TPM2: variants seen among roughly 807,000 people sequenced by gnomAD.
TPM2 encodes the protein tropomyosin 2, also known as tropomyosin beta chain.
Under a neutral mutation model 41.0 loss-of-function variants are expected in TPM2, and 26 were observed. That is an observed-to-expected ratio of 0.63 (90% CI 0.46 to 0.88). The LOEUF is 0.88. Ranked by LOEUF, TPM2 falls within the 40% of genes least tolerant of loss-of-function variation. TPM2 has a pLI of 0.00. For synonymous variants in TPM2, 143 were observed against 139.3 expected, an observed-to-expected ratio of 1.03 and a Z score of -0.19; for missense variants, 187 against 355.2, an observed-to-expected ratio of 0.53 and a Z score of 3.81.
At chr9:35,688,902 G>A (rs952461537) in intron 2 of TPM2, among the ~76,000 whole-genome samples, 1 of 152,168 alleles carries the variant, frequency 6.6e-6, no homozygotes, top group Non-Finnish European at 1.5e-5. Context: ...CATTCTAAAA[G>A]CTGGAACCAA....
chr9:35,689,311 G>T (rs1825117551), intron 1 of TPM2, 40 bp from the exon 2 acceptor site: 1 of 1,612,730 alleles, frequency 6.2e-7, no homozygotes, highest in African/African-American at 1.3e-5. Flanking sequence ...CTGGGAGGGG[G>T]CCCAGGCCCA....
rs76414035 is a variant in TPM2, at chr9:35,684,292, G to C, written c.726C>G (p.Ala242=). The part of the protein sequence containing the change: ...LKEAETRAEF[A]ERSVAKLEKT... ...TCTCCAACTTTGCCACAGACCTCTCGGCAAACTCTGCTCGGGTCTCAGCCT... is the reference window on the plus strand; with the variant it reads ...TCTCCAACTTTGCCACAGACCTCTCCGCAAACTCTGCTCGGGTCTCAGCCT... The change falls in exon 8 of 9, where the codon GCC becomes GCG. Residue 242 remains alanine (A), a synonymous_variant. Transcript: ENST00000645482. The C allele has an allele frequency of 6.2e-7, 1 of 1,614,094 alleles. No homozygotes were observed. Among genetic ancestry groups the C allele is most frequent in the South Asian group, 1.1e-5 (1 of 91,058 alleles).
rs1824661463 is a variant in TPM2 at position 35,683,001 on chromosome 9, G to C, written c.*158C>G. On this transcript the variant is annotated 3_prime_UTR_variant, in exon 9 of 9. Transcript: ENST00000645482. ...TAGGTAAAGGATGAAGCCAGTGCCAGAGTGGGTGGTGGGCATGATGGGGGC... is the reference window on the plus strand; with the variant it reads ...TAGGTAAAGGATGAAGCCAGTGCCACAGTGGGTGGTGGGCATGATGGGGGC... The C allele has an allele frequency of 7.1e-6, 11 of 1,539,966 alleles. No homozygotes were observed. Among genetic ancestry groups the C allele is most frequent in the Non-Finnish European group, 9.6e-6 (11 of 1,140,656 alleles).
intron 2 of TPM2, among the ~76,000 whole-genome samples, chr9:35,686,774 C>T (rs1308653503): frequency 2.6e-5 from 4 of 152,152 alleles, no homozygotes; most frequent in Admixed American, 1.3e-4. Flanking sequence ...CCTGCCAAGG[C>T]CAGCAGAGAG....
At chr9:35,682,672 A>G, downstream of TPM2, 2 of 1,310,416 alleles carry the variant, frequency 1.5e-6, no homozygotes, top group Non-Finnish European at 2.0e-6. Flanking sequence ...AACCCCAGCT[A>G]AGTGCTCTGA....
chr9:35,684,708 C>T, intron 6 of TPM2, 24 bp downstream of exon 6: 1 of 1,614,186 alleles, frequency 6.2e-7, no homozygotes. Context: ...ACCCCATCCT[C>T]ACTGCCCCTC....
chr9:35,686,189 G>A (rs866181390), intron 2 of TPM2, among the ~76,000 whole-genome samples: 2 of 152,192 alleles, frequency 1.3e-5, no homozygotes, highest in African/African-American at 4.8e-5. Context: ...GGCGGAGGTT[G>A]CAGTGAGCTG....
At position 35,684,786 on chromosome 9, in the gene TPM2, C is replaced by T. The variant is rs762195114; in HGVS notation, c.585G>A (p.Glu195=). The T allele has an allele frequency of 1.2e-6, 2 of 1,612,614 alleles. No individual in the cohort carries two copies. Among genetic ancestry groups the T allele is most frequent in the Admixed American group, 3.3e-5 (2 of 59,784 alleles). Residue 195 remains glutamate (E), a synonymous_variant, in exon 6 of 9, where the codon GAG becomes GAA. Coordinates refer to ENST00000645482, the MANE Select transcript of TPM2 (RefSeq NM_003289.4). ...AGTTGTTGGTAACAATTTTCAGCTC[C>T]TCCTCTAGGTCCCCACATTTACTGC... ...VAESKCGDLE[E]ELKIVTNNLK... is the part of the protein sequence containing the mutation.
At chr9:35,683,506 ACAATGCTCTCG>A (rs1192919635) in intron 8 of TPM2, among the ~76,000 whole-genome samples, 1 of 152,198 alleles carries the variant, frequency 6.6e-6, no homozygotes, top group Non-Finnish European at 1.5e-5. Context: ...AGCTGTGTGT[ACAATGCTCTCG>A]ACAAGCAGGA....
upstream of TPM2, chr9:35,689,976 G>A: frequency 6.6e-7 from 1 of 1,510,410 alleles, no homozygotes; most frequent in South Asian, 1.2e-5. Context: ...GACCGGGCGG[G>A]GCCGGCAACC....
intron 5 of TPM2, 170 bp from the exon 6 acceptor site, chr9:35,684,977 A>G: frequency 6.2e-7 from 1 of 1,613,340 alleles, no homozygotes; most frequent in Non-Finnish European, 8.5e-7. Flanking sequence ...CCAGCAGCTG[A>G]GAAAGAGCAG....
chr9:35,685,188 C>G lies in TPM2; in HGVS notation c.563+81G>C. On this transcript the variant is annotated intron_variant, in intron 5 of 8. Transcript: ENST00000645482. This position sits in a 1 kb window ranked among gnomAD's most constrained non-coding sequence, Gnocchi z 5.0. Reference sequence around the variant, plus strand: ...GAGAACAGGGCCTGTCCCTACAGCCCCAAGCCTAGGATGCTACCTTCCCAC... The same window carrying G: ...GAGAACAGGGCCTGTCCCTACAGCCGCAAGCCTAGGATGCTACCTTCCCAC... 1 of 1,614,084 alleles carries G rather than the reference C, an allele frequency of 6.2e-7. No homozygotes were observed. Among genetic ancestry groups the G allele is most frequent in the Non-Finnish European group, 8.5e-7 (1 of 1,179,998 alleles).
chr9:35,688,860 C>A (rs570491214), intron 2 of TPM2, among the ~76,000 whole-genome samples: 1 of 152,314 alleles, frequency 6.6e-6, no homozygotes, highest in East Asian at 1.9e-4. Context: ...ATACCTTCCA[C>A]CCCCACAATG....
chr9:35,682,820 G>A (rs1824648968), downstream of TPM2: 2 of 1,384,938 alleles, frequency 1.4e-6, no homozygotes, highest in South Asian at 2.4e-5. Context: ...TTTGTGGGTG[G>A]GCTCAGTGCA....
Position 35,684,286 on chromosome 9 carries a change from C to T in TPM2, c.732G>A (p.Arg244=), listed in dbSNP as rs1824744423. 1 of 1,614,168 alleles carries T rather than the reference C, an allele frequency of 6.2e-7. No individual in the cohort carries two copies. Among genetic ancestry groups the T allele is most frequent in the Non-Finnish European group, 8.5e-7 (1 of 1,180,030 alleles). Residue 244 remains arginine (R), a synonymous_variant, in exon 8 of 9, where the codon AGG becomes AGA. Coordinates refer to ENST00000645482, the MANE Select transcript of TPM2 (RefSeq NM_003289.4). ...EAETRAEFAE[R]SVAKLEKTID... ...TGGTTTTCTCCAACTTTGCCACAGA[C>T]CTCTCGGCAAACTCTGCTCGGGTCT...
chr9:35,684,826 G>T lies in TPM2; in HGVS notation c.564-19C>A. 1 of 1,473,904 alleles carries T rather than the reference G, an allele frequency of 6.8e-7. No individual in the cohort carries two copies. The highest frequency in any genetic ancestry group is 9.0e-7 in the Non-Finnish European group (1 of 1,113,064). The allele number at this position is 1,473,904 out of a possible 1,614,324, so 91.3% of individuals were successfully genotyped here. ...ACATTTACTGCAGGGGGTGTGTGGCGGGGGGGGCAGGGTGTGAGGGCACAG... is the reference window on the plus strand; with the variant it reads ...ACATTTACTGCAGGGGGTGTGTGGCTGGGGGGGCAGGGTGTGAGGGCACAG... On this transcript the variant is annotated intron_variant, in intron 5 of 8. Coordinates refer to ENST00000645482, the MANE Select transcript of TPM2 (RefSeq NM_003289.4).
At chr9:35,684,387 C>G in intron 7 of TPM2, 72 bp from the exon 8 acceptor site, 1 of 1,611,196 alleles carries the variant, frequency 6.2e-7, no homozygotes, top group Non-Finnish European at 8.5e-7. Context: ...CTAAGTCAAG[C>G]TTCTTGTCCA....
chr9:35,686,150 T>C (rs746008087), intron 2 of TPM2, among the ~76,000 whole-genome samples: 2 of 152,130 alleles, frequency 1.3e-5, no homozygotes, highest in African/African-American at 2.4e-5. Flanking sequence ...CTTGGGAGGC[T>C]GAGGCACAAG....
intron 7 of TPM2, 48 bp downstream of exon 7, chr9:35,684,440 G>C: frequency 1.2e-6 from 2 of 1,613,374 alleles, no homozygotes; most frequent in Non-Finnish European, 1.7e-6. Context: ...CTCTGGCAAG[G>C]ATTAGGGTGG....
Sources: gnomAD v4.1 joint callset for allele counts (sites outside exome capture counted in the v4.1 genomes callset) on GRCh38, gnomAD v4.1.1 for gene constraint, Gnocchi (gnomAD v3.1) non-coding constraint, MANE v1.5 for transcripts, NCBI Gene and HGNC (gene_info 2026-07-23, HGNC 2026-07-21) for gene names.